Variants in SPMIP2 observed in about 807,000 individuals in gnomAD.
SPMIP2 encodes the protein protein SPMIP2.
At chr4:158,956,517 C>T in the SPMIP2 span, among the ~76,000 whole-genome samples, 1 of 152,186 alleles carries the variant, frequency 6.6e-6, no homozygotes, top group Non-Finnish European at 1.5e-5. Flanking sequence ...GAGCGGAGAT[C>T]GCGCCGTTGC....
At chr4:158,920,271 T>C in the SPMIP2 span, among the ~76,000 whole-genome samples, 1 of 152,170 alleles carries the variant, frequency 6.6e-6, no homozygotes, top group African/African-American at 2.4e-5. Flanking sequence ...ATTTGAACAA[T>C]ATGAAATCAG....
At chr4:159,006,684 T>G in the SPMIP2 span, among the ~76,000 whole-genome samples, 2 of 152,212 alleles carry the variant, frequency 1.3e-5, no homozygotes, top group African/African-American at 4.8e-5. Context: ...GGATGCATCT[T>G]GGTTGTATCA....
chr4:158,913,507 ACAC>A, the SPMIP2 span, among the ~76,000 whole-genome samples: 1 of 152,154 alleles, frequency 6.6e-6, no homozygotes. Context: ...TAGGTGTGAA[ACAC>A]CACCATCTGC....
At chr4:158,906,699 T>C in the SPMIP2 span, 72 of 152,312 alleles carry the variant, frequency 4.7e-4, no homozygotes, top group African/African-American at 1.6e-3. Context: ...TCATATCTAT[T>C]GCCTACAAAA....
the SPMIP2 span, among the ~76,000 whole-genome samples, chr4:158,934,586 GTAT>G: frequency 2.0e-5 from 3 of 151,928 alleles, no homozygotes; most frequent in East Asian, 1.9e-4. Context: ...CGTGTTAGCC[GTAT>G]TATTATTATT....
the SPMIP2 span, among the ~76,000 whole-genome samples, chr4:158,931,755 G>T: frequency 6.6e-6 from 1 of 151,970 alleles, no homozygotes; most frequent in East Asian, 1.9e-4. Context: ...TAGGGATGGG[G>T]TTTCACCATG....
the SPMIP2 span, among the ~76,000 whole-genome samples, chr4:158,955,853 T>C: frequency 0.62 from 94,218 of 152,144 alleles, 29,751 homozygotes; most frequent in South Asian, 0.8. Context: ...TGCCTTCGAA[T>C]GGAAGAAGTC....
the SPMIP2 span, among the ~76,000 whole-genome samples, chr4:159,011,897 T>TA: frequency 7.9e-5 from 12 of 151,136 alleles, no homozygotes; most frequent in Non-Finnish European, 1.5e-4. Context: ...CCGTCTCTAC[T>TA]AAAAAAAATA....
the SPMIP2 span, among the ~76,000 whole-genome samples, chr4:159,035,714 C>A: frequency 6.6e-6 from 1 of 152,196 alleles, no homozygotes; most frequent in African/African-American, 2.4e-5. Flanking sequence ...GCAATGCTTT[C>A]TCATTGTTCT....
the SPMIP2 span, among the ~76,000 whole-genome samples, chr4:159,002,975 C>T: frequency 6.6e-6 from 1 of 152,172 alleles, no homozygotes; most frequent in Non-Finnish European, 1.5e-5. Context: ...CTTCAATTTC[C>T]ACTGTTCCTC....
At chr4:159,061,330 C>T in the SPMIP2 span, among the ~76,000 whole-genome samples, 5 of 151,952 alleles carry the variant, frequency 3.3e-5, no homozygotes, top group African/African-American at 1.2e-4. Context: ...AGACCCAATG[C>T]CTACAGTCCT....
chr4:158,913,805 A>G, the SPMIP2 span, among the ~76,000 whole-genome samples: 1 of 151,356 alleles, frequency 6.6e-6, no homozygotes, highest in Non-Finnish European at 1.5e-5. Context: ...TGAATAGCCA[A>G]TGCACTCCAG....
chr4:159,031,314 G>A, the SPMIP2 span, among the ~76,000 whole-genome samples: 1 of 152,144 alleles, frequency 6.6e-6, no homozygotes, highest in African/African-American at 2.4e-5. Flanking sequence ...CTATAATCAA[G>A]CCTCTAGAGC....
At chr4:158,953,409 G>C in the SPMIP2 span, among the ~76,000 whole-genome samples, 3 of 152,214 alleles carry the variant, frequency 2.0e-5, no homozygotes, top group African/African-American at 7.2e-5. Context: ...CAAGAATTAG[G>C]GTTTGAGAAC....
the SPMIP2 span, among the ~76,000 whole-genome samples, chr4:158,958,310 T>G: frequency 6.6e-6 from 1 of 152,178 alleles, no homozygotes; most frequent in Non-Finnish European, 1.5e-5. Context: ...TTTTATTATT[T>G]GTAGAGATGG....
the SPMIP2 span, among the ~76,000 whole-genome samples, chr4:158,943,826 C>G: frequency 6.7e-6 from 1 of 148,648 alleles, no homozygotes; most frequent in Non-Finnish European, 1.5e-5. Flanking sequence ...ACACTTGGCC[C>G]TTCATCTGCC....
chr4:158,948,591 GTT>G, the SPMIP2 span, among the ~76,000 whole-genome samples: 74 of 126,002 alleles, frequency 5.9e-4, no homozygotes, highest in African/African-American at 2.0e-3. Context: ...TATGTGGTTT[GTT>G]TTTTTTTTTT....
At chr4:158,977,188 A>AC in the SPMIP2 span, among the ~76,000 whole-genome samples, 3 of 151,808 alleles carry the variant, frequency 2.0e-5, no homozygotes, top group African/African-American at 7.3e-5. Context: ...TCCACTTTGC[A>AC]CCCCCCTGGT....
chr4:158,969,893 C>T, the SPMIP2 span, among the ~76,000 whole-genome samples: 1 of 152,132 alleles, frequency 6.6e-6, no homozygotes, highest in East Asian at 1.9e-4. Flanking sequence ...TGCAGTTAGA[C>T]TAAAACAAGA....
Sources: gnomAD v4.1 joint callset for allele counts (sites outside exome capture counted in the v4.1 genomes callset) on GRCh38, gnomAD v4.1.1 for gene constraint, MANE v1.5 for transcripts, NCBI Gene and HGNC (gene_info 2026-07-23, HGNC 2026-07-21) for gene names.